The following MGAT5 variants were observed in gnomAD, a reference collection of about 807,000 sequenced individuals.
The protein encoded by MGAT5 is alpha-1,6-mannosylglycoprotein 6-beta-N-acetylglucosaminyltransferase A.
In MGAT5, 30 loss-of-function variants were observed where a neutral mutation model predicts 94.3. The observed-to-expected ratio is 0.32, with a 90% CI of 0.24 to 0.43. MGAT5 has a LOEUF of 0.43. Among genes scored for constraint, MGAT5 ranks in the 20% least tolerant of loss-of-function variants. The probability of loss-of-function intolerance (pLI) is 1.00; values close to 1 mark genes in which losing one functional copy is unlikely to be tolerated. For synonymous variants in MGAT5, 310 were observed against 322.9 expected (o/e 0.96, Z 0.43); for missense variants, 691 against 905.5 (o/e 0.76, Z 3.04).
At chr2:134,181,788 C>T (rs1339888401) in intron 1 of MGAT5, among the ~76,000 whole-genome samples, 1 of 152,152 alleles carries the variant, frequency 6.6e-6, no homozygotes, top group Non-Finnish European at 1.5e-5. Context: ...CACAGTTGGT[C>T]CCAATGCACA....
chr2:134,403,438 A>G (rs902517197), intron 11 of MGAT5, among the ~76,000 whole-genome samples: 1 of 152,234 alleles, frequency 6.6e-6, no homozygotes, highest in Non-Finnish European at 1.5e-5. Flanking sequence ...CTGGAAGGAC[A>G]GACTTTCTAA....
intron 14 of MGAT5, among the ~76,000 whole-genome samples, chr2:134,434,084 C>T (rs572913957): frequency 7.2e-5 from 11 of 152,304 alleles, no homozygotes; most frequent in Admixed American, 2.0e-4. Context: ...ACCACTCCTC[C>T]GCTTTGCTCT....
chr2:134,447,874 G>A (rs1241885837), intron 15 of MGAT5, among the ~76,000 whole-genome samples: 1 of 152,210 alleles, frequency 6.6e-6, no homozygotes, highest in African/African-American at 2.4e-5. Context: ...GGGCTGGGGA[G>A]AGAGGGCCTG....
rs191136618 is a variant in MGAT5, at chr2:134,285,714, A to G, written c.406+15164A>G. ...CAGTAATATATTTTCATATTTCTCC[A>G]TAACATGTTTATGTTGCTTTTTTCT... is the stretch of plus-strand genomic sequence containing the variant. On this transcript the variant is annotated intron_variant, in intron 2 of 15. Transcript: ENST00000281923. Among the ~76,000 whole-genome samples, 49 of 152,252 alleles carry G rather than the reference A, an allele frequency of 3.2e-4. No homozygotes were observed. In the East Asian group the frequency reaches 9.1e-3, roughly 28 times the overall value.
intron 10 of MGAT5, among the ~76,000 whole-genome samples, chr2:134,385,541 C>T (rs1681919402): frequency 6.6e-6 from 1 of 152,166 alleles, no homozygotes; most frequent in African/African-American, 2.4e-5. Context: ...GCTATGGCTC[C>T]TGACTTCAGA....
chr2:134,217,960 T>G (rs1166122974), intron 1 of MGAT5, among the ~76,000 whole-genome samples: 2 of 152,198 alleles, frequency 1.3e-5, no homozygotes, highest in Admixed American at 1.3e-4. Context: ...TGACAGATGA[T>G]GTACATAGGG....
intron 1 of MGAT5, among the ~76,000 whole-genome samples, chr2:134,223,007 A>G (rs938312965): frequency 1.3e-5 from 2 of 152,106 alleles, no homozygotes; most frequent in African/African-American, 4.8e-5. Flanking sequence ...ATATATCTAT[A>G]TCTATATTTA....
chr2:134,454,492 T>G lies in MGAT5; in HGVS notation c.*5645T>G, dbSNP rs1686268633. ...GTGATTCACTTCGGGGGTTAAGTAA[T>G]GCAGGATTCTGCAAACAAGGTGTCG... is the stretch of plus-strand genomic sequence containing the variant. On this transcript the variant is annotated 3_prime_UTR_variant, in exon 16 of 16. Transcript: ENST00000281923. 6.6e-6 allele frequency: 1 copy of G among 152,270 alleles called. No individual in the cohort carries two copies. Among genetic ancestry groups the G allele is most frequent in the Non-Finnish European group, 1.5e-5 (1 of 68,054 alleles). The allele number at this position is 152,270 out of a possible 1,614,324, so 9.4% of individuals were successfully genotyped here.
At chr2:134,284,224 A>G (rs1428036694) in intron 2 of MGAT5, among the ~76,000 whole-genome samples, 2 of 152,206 alleles carry the variant, frequency 1.3e-5, no homozygotes, top group African/African-American at 4.8e-5. Flanking sequence ...TTTAGCTGCC[A>G]TACTGTTGAA....
chr2:134,349,273 A>G (rs955597604), intron 8 of MGAT5, among the ~76,000 whole-genome samples: 1 of 152,210 alleles, frequency 6.6e-6, no homozygotes, highest in Non-Finnish European at 1.5e-5. Flanking sequence ...ACTATCAGAT[A>G]TATAAAAAAA....
chr2:134,147,378 G>C (rs531210413), intron 1 of MGAT5, among the ~76,000 whole-genome samples: 23 of 152,272 alleles, frequency 1.5e-4, no homozygotes, highest in African/African-American at 5.5e-4. Context: ...TAAATACTTA[G>C]AAAGTTTCAA....
intron 1 of MGAT5, among the ~76,000 whole-genome samples, chr2:134,180,606 C>G (rs997210851): frequency 2.6e-5 from 4 of 152,206 alleles, no homozygotes; most frequent in African/African-American, 7.2e-5. Context: ...AAATGCCTCA[C>G]TCTTGTTACC....
chr2:134,125,853 A>C (rs984860406), intron 1 of MGAT5, among the ~76,000 whole-genome samples: 1 of 152,162 alleles, frequency 6.6e-6, no homozygotes, highest in Non-Finnish European at 1.5e-5. Flanking sequence ...TCACCTTTTA[A>C]GTTTGACATG....
chr2:134,390,230 G>A (rs190860216), intron 10 of MGAT5, among the ~76,000 whole-genome samples: 8 of 152,240 alleles, frequency 5.3e-5, no homozygotes, highest in Admixed American at 3.9e-4. Context: ...GGATCATCTC[G>A]TGCATCCCCT....
At chr2:134,133,312 C>G (rs532033255) in intron 1 of MGAT5, among the ~76,000 whole-genome samples, 36 of 152,224 alleles carry the variant, frequency 2.4e-4, no homozygotes, top group African/African-American at 6.8e-4. Context: ...GGCCAAATTT[C>G]TCCAATACCT....
intron 1 of MGAT5, among the ~76,000 whole-genome samples, chr2:134,144,069 G>A (rs1441144918): frequency 2.0e-5 from 3 of 152,164 alleles, no homozygotes; most frequent in African/African-American, 7.2e-5. Context: ...GCCAGGACAA[G>A]GTGTGTCAGG....
chr2:134,387,601 A>G (rs775782058), intron 10 of MGAT5, among the ~76,000 whole-genome samples: 117 of 151,890 alleles, frequency 7.7e-4, no homozygotes, highest in Non-Finnish European at 1.4e-3. Context: ...GCCCACTAAC[A>G]TGGCTGAGCC....
chr2:134,362,046 AG>A (rs1344246532), intron 9 of MGAT5, among the ~76,000 whole-genome samples: 1 of 152,198 alleles, frequency 6.6e-6, no homozygotes, highest in Non-Finnish European at 1.5e-5. Context: ...CCTAAAAAGC[AG>A]GTTTTGGTTC....
chr2:134,289,128 A>G (rs1357070869), intron 2 of MGAT5, among the ~76,000 whole-genome samples: 1 of 151,762 alleles, frequency 6.6e-6, no homozygotes, highest in Non-Finnish European at 1.5e-5. Flanking sequence ...CCTCTTCAAG[A>G]CCCAGACTTA....
Sources: gnomAD v4.1 joint callset for allele counts (sites outside exome capture counted in the v4.1 genomes callset) on GRCh38, gnomAD v4.1.1 for gene constraint, MANE v1.5 for transcripts, NCBI Gene and HGNC (gene_info 2026-07-23, HGNC 2026-07-21) for gene names.